TRHDE: variants seen among roughly 807,000 people sequenced by gnomAD.
TRHDE encodes the protein thyrotropin releasing hormone degrading enzyme, also known as thyrotropin-releasing hormone-degrading ectoenzyme.
Under a neutral mutation model 125.7 loss-of-function variants are expected in TRHDE, and 72 were observed. The observed-to-expected ratio is 0.57, with a 90% CI of 0.47 to 0.70. The LOEUF (loss-of-function observed/expected upper bound fraction) is 0.70. Among genes scored for constraint, TRHDE ranks in the 30% least tolerant of loss-of-function variants. The pLI is 0.00. For missense variants in TRHDE, 1,110 were observed against 1,327.1 expected, an observed-to-expected ratio of 0.84 and a Z score of 2.54; for synonymous variants, 509 against 509.1, an observed-to-expected ratio of 1.00 and a Z score of 0.00.
intron 2 of TRHDE, among the ~76,000 whole-genome samples, chr12:72,347,630 G>T (rs139403598): frequency 6.6e-6 from 1 of 151,982 alleles, no homozygotes; most frequent in Non-Finnish European, 1.5e-5. Context: ...TCAGTTCCTC[G>T]TGGGTTGTTG....
At chr12:72,429,754 T>G (rs960157928) in intron 3 of TRHDE, among the ~76,000 whole-genome samples, 2 of 152,120 alleles carry the variant, frequency 1.3e-5, no homozygotes, top group African/African-American at 2.4e-5. Context: ...ATAGTTTGAT[T>G]GGCATCCGAT....
At chr12:72,524,632 A>G (rs902776391) in intron 6 of TRHDE, among the ~76,000 whole-genome samples, 3 of 152,106 alleles carry the variant, frequency 2.0e-5, no homozygotes, top group Admixed American at 6.6e-5. Context: ...TTTATTCAAT[A>G]TTGTTCTTGA....
chr12:72,167,761 G>A (rs1876784290), intron 2 of TRHDE: 1 of 152,202 alleles, frequency 6.6e-6, no homozygotes, highest in Admixed American at 6.5e-5. Flanking sequence ...CATGGAGCCT[G>A]AAAATGTAAT....
At chr12:72,188,129 A>G (rs1233081040) in intron 2 of TRHDE, among the ~76,000 whole-genome samples, 5 of 152,338 alleles carry the variant, frequency 3.3e-5, no homozygotes, top group Admixed American at 2.0e-4. Flanking sequence ...TTACACAGCA[A>G]TGACATATAT....
intron 2 of TRHDE, among the ~76,000 whole-genome samples, chr12:72,142,822 C>T (rs1014105612): frequency 5.9e-5 from 9 of 152,032 alleles, no homozygotes; most frequent in African/African-American, 1.9e-4. Flanking sequence ...GGGAAGAGTC[C>T]GGCTGCTGGG....
At chr12:72,655,319 T>G (rs1874664829) in intron 17 of TRHDE, among the ~76,000 whole-genome samples, 1 of 152,170 alleles carries the variant, frequency 6.6e-6, no homozygotes, top group South Asian at 2.1e-4. Flanking sequence ...GCAATCCACC[T>G]GCCTTAGCTT....
At chr12:72,372,672 T>G (rs1002804601) in intron 2 of TRHDE, among the ~76,000 whole-genome samples, 6 of 152,218 alleles carry the variant, frequency 3.9e-5, no homozygotes, top group Admixed American at 1.3e-4. Flanking sequence ...CTTGTTTTTC[T>G]CAGGTTTGTC....
chr12:72,349,004 A>T (rs1031888342), intron 2 of TRHDE, among the ~76,000 whole-genome samples: 1 of 151,842 alleles, frequency 6.6e-6, no homozygotes, highest in Non-Finnish European at 1.5e-5. Flanking sequence ...GCTGAATTGT[A>T]TGTCTTTCCC....
chr12:72,270,884 A>C (rs1396675925), upstream of TRHDE, among the ~76,000 whole-genome samples: 2 of 152,244 alleles, frequency 1.3e-5, no homozygotes, highest in Non-Finnish European at 2.9e-5. Context: ...TGGGCTATGA[A>C]CCTATTTTGA....
At chr12:72,145,803 A>C (rs907937538) in intron 2 of TRHDE, among the ~76,000 whole-genome samples, 2 of 152,266 alleles carry the variant, frequency 1.3e-5, no homozygotes, top group Admixed American at 1.3e-4. Flanking sequence ...AATTCCTCCC[A>C]GTTCTAGAAT....
chr12:72,117,904 C>A (rs1008239237), intron 2 of TRHDE, among the ~76,000 whole-genome samples: 7 of 150,484 alleles, frequency 4.7e-5, no homozygotes, highest in Non-Finnish European at 7.4e-5. Flanking sequence ...ATGCTGCTGA[C>A]TTTAGTACGT....
chr12:72,253,716 A>AG, intron 2 of TRHDE: 1 of 152,178 alleles, frequency 6.6e-6, no homozygotes, highest in Admixed American at 6.5e-5. Context: ...AGTAATTCCT[A>AG]TCCCTAACTT....
intron 2 of TRHDE, among the ~76,000 whole-genome samples, chr12:72,191,919 A>G (rs575302090): frequency 6.6e-6 from 1 of 152,312 alleles, no homozygotes; most frequent in East Asian, 1.9e-4. Flanking sequence ...GCAGTAGTAT[A>G]AACATAAGTA....
chr12:72,304,040 G>A (rs1868300339), intron 2 of TRHDE, among the ~76,000 whole-genome samples: 1 of 152,120 alleles, frequency 6.6e-6, no homozygotes, highest in Non-Finnish European at 1.5e-5. Context: ...AATCTGGAAG[G>A]ACTGAACACT....
Position 72,630,888 on chromosome 12 carries a change from A to C in TRHDE, c.2675+9137A>C, listed in dbSNP as rs563112086. 1.7e-3 allele frequency among the ~76,000 whole-genome samples: 214 copies of C among 127,090 alleles called. 1 individual carries two copies. Among genetic ancestry groups the C allele is most frequent in the African/African-American group, 5.6e-3 (206 of 36,730 alleles). The allele number at this position is 127,090 out of a possible 152,430, so 83.4% of individuals were successfully genotyped here. ...GGAAATTTCCCTAAAATTCATAGCA[A>C]AAAAAAAAAAAACCTACCCATACTT... On this transcript the variant is annotated intron_variant, in intron 15 of 18. Coordinates refer to ENST00000261180, the MANE Select transcript of TRHDE (RefSeq NM_013381.3).
chr12:72,531,906 C>T (rs1192088364), intron 6 of TRHDE, among the ~76,000 whole-genome samples: 2 of 152,078 alleles, frequency 1.3e-5, no homozygotes, highest in East Asian at 3.8e-4. Context: ...GATGATTCAC[C>T]ATCTTTTTCT....
chr12:72,342,698 A>T (rs1215842439), intron 2 of TRHDE, among the ~76,000 whole-genome samples: 1 of 152,110 alleles, frequency 6.6e-6, no homozygotes, highest in East Asian at 1.9e-4. Flanking sequence ...TTAGAGGAAG[A>T]TGAAGTTGTA....
chr12:72,475,561 A>G (rs575616243), intron 5 of TRHDE, among the ~76,000 whole-genome samples: 12 of 152,304 alleles, frequency 7.9e-5, no homozygotes, highest in African/African-American at 2.9e-4. Flanking sequence ...ATGACTTTTC[A>G]TATTTCTTCA....
chr12:72,303,707 C>G (rs550302748), intron 2 of TRHDE, among the ~76,000 whole-genome samples: 93 of 152,224 alleles, frequency 6.1e-4, no homozygotes, highest in Non-Finnish European at 5.9e-5. Flanking sequence ...TTTAAGGGCA[C>G]AGAAGTCACA....
Sources: gnomAD v4.1 joint callset for allele counts (sites outside exome capture counted in the v4.1 genomes callset) on GRCh38, gnomAD v4.1.1 for gene constraint, MANE v1.5 for transcripts, NCBI Gene and HGNC (gene_info 2026-07-23, HGNC 2026-07-21) for gene names.